The following ZNF721 variants were observed in gnomAD, a reference collection of about 807,000 sequenced individuals.
ZNF721 encodes the protein zinc finger protein 721.
A neutral mutation model predicts 2.4 loss-of-function variants in ZNF721; 2 were observed. The observed-to-expected ratio is 0.82, with a 90% CI of 0.34 to 2.58. The LOEUF (loss-of-function observed/expected upper bound fraction) is 2.58. Ranked by LOEUF, ZNF721 falls within the 30% of genes most tolerant of loss-of-function variation. The pLI, the probability that ZNF721 is intolerant of heterozygous loss-of-function variation, is 0.11. For synonymous variants in ZNF721, 398 were observed against 381.8 expected, an observed-to-expected ratio of 1.04 and a Z score of -0.50; for missense variants, 1,187 against 1,085.5, an observed-to-expected ratio of 1.09 and a Z score of -1.31.
chr4:456,153 C>A (rs1444962477), intron 2 of ZNF721, among the ~76,000 whole-genome samples: 1 of 152,088 alleles, frequency 6.6e-6, no homozygotes, highest in Non-Finnish European at 1.5e-5. Flanking sequence ...TCACTGCAAC[C>A]TCCGCCTCCC....
At chr4:482,920 G>A (rs1378423302) in intron 1 of ZNF721, among the ~76,000 whole-genome samples, 1 of 152,190 alleles carries the variant, frequency 6.6e-6, no homozygotes, top group Non-Finnish European at 1.5e-5. Flanking sequence ...ATCAAAATCT[G>A]TATTTCAAAT....
Position 442,941 on chromosome 4 carries a change from G to C in ZNF721, c.1526C>G (p.Ala509Gly), listed in dbSNP as rs1714316841. ...AGTAAGGGTTGTGGAACTAGTAAAC[G>C]CTTTACCACATTCTAAACATTCAAA... The part of the protein sequence containing the change: ...KPFECLECGK[A>G]FTSSTTLTKH... The change falls in exon 3 of 3, where the codon GCG becomes GGG. Residue 509 changes from alanine to glycine, a missense_variant. Coordinates refer to ENST00000511833, the MANE Select transcript of ZNF721 (RefSeq NM_133474.4). 2 of 1,613,712 alleles carry C rather than the reference G, an allele frequency of 1.2e-6. No homozygotes were observed. The highest frequency in any genetic ancestry group is 1.3e-5 in the African/African-American group (1 of 74,880).
chr4:489,800 C>A (rs531599237), intron 1 of ZNF721, among the ~76,000 whole-genome samples: 1 of 152,200 alleles, frequency 6.6e-6, no homozygotes, highest in East Asian at 1.9e-4. Flanking sequence ...CAGAAATATA[C>A]CTTATTTCTA....
In ZNF721 at chr4:443,604, A is replaced by T. The variant is rs782685953; in HGVS notation, c.863T>A (p.Ile288Asn). Residue 288 changes from isoleucine (I) to asparagine (N), a missense_variant, in exon 3 of 3, where the codon ATT becomes AAT. Coordinates refer to ENST00000511833, the MANE Select transcript of ZNF721 (RefSeq NM_133474.4). ...KCLECGKAFN[I>N]STTLTKHRRI... ...CCTATGTTTAGTAAGGGTTGTGGAA[A>T]TATTAAAGGCTTTACCACATTCTAA... The T allele has an allele frequency of 6.2e-7, 1 of 1,613,352 alleles. No homozygotes were observed. The highest frequency in any genetic ancestry group is 1.1e-5 in the South Asian group (1 of 91,048).
rs1457200800 is a variant in ZNF721, at chr4:442,630, A to G, written c.1837T>C (p.Tyr613His). 1.9e-6 allele frequency: 3 copies of G among 1,613,790 alleles called. No homozygotes were observed. In the East Asian group the frequency reaches 6.7e-5, roughly 36 times the overall value. Reference protein sequence around the residue: ...HKKIHTGEKLYKCEECGKDFV... With the variant: ...HKKIHTGEKLHKCEECGKDFV... Reference sequence around the variant, plus strand: ...TCTTTGCCACACTCTTCACATTTGTAAAGTTTCTCTCCAGTATGAATTTTC... The same window carrying G: ...TCTTTGCCACACTCTTCACATTTGTGAAGTTTCTCTCCAGTATGAATTTTC... Residue 613 changes from tyrosine to histidine, a missense_variant, in exon 3 of 3, where the codon TAC becomes CAC. Coordinates refer to ENST00000511833, the MANE Select transcript of ZNF721 (RefSeq NM_133474.4).
At chr4:478,191 CT>C (rs1715682312) in intron 1 of ZNF721, among the ~76,000 whole-genome samples, 1 of 152,142 alleles carries the variant, frequency 6.6e-6, no homozygotes, top group Non-Finnish European at 1.5e-5. Flanking sequence ...TGAATTATTT[CT>C]CTCAAGAAGA....
At chr4:460,603 A>T (rs1553865923) in intron 2 of ZNF721, among the ~76,000 whole-genome samples, 1 of 151,070 alleles carries the variant, frequency 6.6e-6, no homozygotes, top group Non-Finnish European at 1.5e-5. Context: ...GAACTGGAGG[A>T]AATAGAGACA....
chr4:496,414 G>A (rs747753251), intron 1 of ZNF721, among the ~76,000 whole-genome samples: 1 of 151,996 alleles, frequency 6.6e-6, no homozygotes, highest in African/African-American at 2.4e-5. Context: ...CTCTAAGTAT[G>A]TTCTTCTGGG....
intron 1 of ZNF721, among the ~76,000 whole-genome samples, chr4:488,047 T>C (rs1262566608): frequency 1.3e-5 from 2 of 152,176 alleles, no homozygotes; most frequent in African/African-American, 2.4e-5. Flanking sequence ...AAATCCTTCA[T>C]TCAGATAAGG....
chr4:442,668 A>G lies in ZNF721; in HGVS notation c.1799T>C (p.Leu600Pro), dbSNP rs782702690. 3.1e-6 allele frequency: 5 copies of G among 1,614,084 alleles called. No homozygotes were observed. The highest frequency in any genetic ancestry group is 4.2e-6 in the Non-Finnish European group (5 of 1,179,982). The change falls in exon 3 of 3, where the codon CTG (leucine) becomes CCG (proline). Residue 600 changes from leucine to proline, a missense_variant. Leu to Pro is a moderately conservative substitution (Grantham distance 98). Transcript: ENST00000511833. Reference sequence around the variant, plus strand: ...AGTATGAATTTTCTTGTGTTGATTCAGGTCTGTGTACCGTCCAAAGGCTTT... The same window carrying G: ...AGTATGAATTTTCTTGTGTTGATTCGGGTCTGTGTACCGTCCAAAGGCTTT... ...CGKAFGRYTD[L>P]NQHKKIHTGE...
At chr4:444,998 T>G (rs1714426712) in intron 2 of ZNF721, among the ~76,000 whole-genome samples, 1 of 148,430 alleles carries the variant, frequency 6.7e-6, no homozygotes, top group Non-Finnish European at 1.5e-5. Context: ...TTTTTTTTTT[T>G]TTTTGAGATG....
chr4:442,443 CCA>C lies in ZNF721; in HGVS notation c.2022_2023del (p.Cys674TrpfsTer26), dbSNP rs868915215. 6.2e-7 allele frequency: 1 copy of C among 1,613,756 alleles called. No individual in the cohort carries two copies. The highest frequency in any genetic ancestry group is 8.5e-7 in the Non-Finnish European group (1 of 1,179,852). ...GGCTATGGACCATCCAAAGGCTTTG[CCA>C]CACTCTTCACATTTGTAACTTTGCT... On this transcript the variant is annotated frameshift_variant, in exon 3 of 3. Coordinates refer to ENST00000511833, the MANE Select transcript of ZNF721 (RefSeq NM_133474.4). LOFTEE classifies it low-confidence loss of function (END_TRUNC).
chr4:446,601 G>A (rs374733391), intron 2 of ZNF721, among the ~76,000 whole-genome samples: 85 of 152,134 alleles, frequency 5.6e-4, no homozygotes, highest in East Asian at 3.9e-3. Context: ...GGCTGGTCTC[G>A]AACTCCTGAC....
intron 2 of ZNF721, among the ~76,000 whole-genome samples, chr4:470,511 C>A (rs895862765): frequency 1.3e-5 from 2 of 152,028 alleles, no homozygotes; most frequent in Admixed American, 6.6e-5. Context: ...GTCAGAAGAT[C>A]GAGACCGGCC....
intron 1 of ZNF721, among the ~76,000 whole-genome samples, chr4:494,335 C>A (rs1716096123): frequency 6.7e-6 from 1 of 150,326 alleles, no homozygotes; most frequent in Admixed American, 6.7e-5. Context: ...GCGCCCGCCA[C>A]CATGCCCATC....
rs1402364546 is a variant in ZNF721 at position 441,690 on chromosome 4, A to G, written c.*5T>C. On this transcript the variant is annotated 3_prime_UTR_variant, in exon 3 of 3. Transcript: ENST00000511833. Reference sequence around the variant, plus strand: ...TAGTATGACTTAAAGGCTTTGCCACATTCTTTACACTTGTATGGTTTTATC... The same window carrying G: ...TAGTATGACTTAAAGGCTTTGCCACGTTCTTTACACTTGTATGGTTTTATC... The G allele has an allele frequency of 1.3e-6, 2 of 1,596,666 alleles. No homozygotes were observed. The highest frequency in any genetic ancestry group is 1.3e-5 in the African/African-American group (1 of 74,482).
chr4:477,228 CA>C (rs1715647081), intron 1 of ZNF721, among the ~76,000 whole-genome samples: 1 of 148,504 alleles, frequency 6.7e-6, no homozygotes, highest in Admixed American at 6.7e-5. Flanking sequence ...TGACAAAGAG[CA>C]AGAGAATGAG....
chr4:475,883 G>A (rs782425593), intron 1 of ZNF721, among the ~76,000 whole-genome samples: 3 of 151,666 alleles, frequency 2.0e-5, no homozygotes, highest in South Asian at 2.1e-4. Flanking sequence ...TTGTTCTCCC[G>A]TTACCCTTAT....
At chr4:492,055 C>T (rs1194013033) in intron 1 of ZNF721, among the ~76,000 whole-genome samples, 3 of 150,878 alleles carry the variant, frequency 2.0e-5, no homozygotes, top group Non-Finnish European at 4.4e-5. Context: ...CCCAGCTACT[C>T]GGGAGGCTGA....
Sources: allele counts gnomAD v4.1 joint callset (sites outside exome capture counted in the v4.1 genomes callset), GRCh38; gene constraint gnomAD v4.1.1; transcripts MANE v1.5; gene names NCBI Gene and HGNC (gene_info 2026-07-23, HGNC 2026-07-21).